Variants in CYB5R4 observed in about 807,000 individuals in gnomAD.
CYB5R4 encodes the protein N-terminal cytochrome b5 and cytochrome b5 oxidoreductase domain-containing protein.
Under a neutral mutation model 70.2 loss-of-function variants are expected in CYB5R4, and 55 were observed. The observed-to-expected ratio is 0.78, with a 90% CI of 0.63 to 0.98. CYB5R4 has a LOEUF of 0.98. CYB5R4 is among the 50% of genes least tolerant of loss of function. The pLI is 0.00. For synonymous variants in CYB5R4, 197 were observed against 199.5 expected, an observed-to-expected ratio of 0.99 and a Z score of 0.11; for missense variants, 562 against 612.6, an observed-to-expected ratio of 0.92 and a Z score of 0.87.
chr6:83,905,316 C>CA (rs1465569017), intron 3 of CYB5R4, among the ~76,000 whole-genome samples: 8 of 152,226 alleles, frequency 5.3e-5, no homozygotes, highest in African/African-American at 1.9e-4. Flanking sequence ...CTCGGCCTCC[C>CA]AAAGTGCGGA....
At chr6:83,882,255 G>C (rs915647172) in intron 2 of CYB5R4, among the ~76,000 whole-genome samples, 3 of 152,156 alleles carry the variant, frequency 2.0e-5, no homozygotes, top group Non-Finnish European at 4.4e-5. Flanking sequence ...GAGACTCAAA[G>C]TCTTACTGGC....
chr6:83,875,755 T>C (rs2099458430), intron 2 of CYB5R4, among the ~76,000 whole-genome samples: 1 of 152,214 alleles, frequency 6.6e-6, no homozygotes, highest in Non-Finnish European at 1.5e-5. Flanking sequence ...ATTAATTTTC[T>C]TAATTACTAC....
chr6:83,958,162 TAAA>T (rs2099472719), intron 15 of CYB5R4, among the ~76,000 whole-genome samples: 1 of 152,188 alleles, frequency 6.6e-6, no homozygotes, highest in Non-Finnish European at 1.5e-5. Context: ...ACCTATTTTT[TAAA>T]AAATACAGAT....
Position 83,966,851 on chromosome 6 carries a change from A to G in CYB5R4, c.*6973A>G, listed in dbSNP as rs2099474163. 6.6e-6 allele frequency: 1 copy of G among 152,232 alleles called. No individual in the cohort carries two copies. The highest frequency in any genetic ancestry group is 2.1e-4 in the South Asian group (1 of 4,834). 9.4% of individuals were successfully genotyped at this position (152,232 alleles called of 1,614,324 possible). On this transcript the variant is annotated 3_prime_UTR_variant, in exon 16 of 16. Coordinates refer to ENST00000369681, the MANE Select transcript of CYB5R4 (RefSeq NM_016230.4). Reference sequence around the variant, plus strand: ...AATGAAAAATCATCCTGAAATTAACAAGAAAAATTGAAATTAATGTTGAAA... The same window carrying G: ...AATGAAAAATCATCCTGAAATTAACGAGAAAAATTGAAATTAATGTTGAAA...
At chr6:83,947,009 C>G (rs1473028438) in intron 14 of CYB5R4, among the ~76,000 whole-genome samples, 2 of 152,026 alleles carry the variant, frequency 1.3e-5, no homozygotes, top group African/African-American at 2.4e-5. Context: ...TAATGCCATC[C>G]CCATCAAGCT....
intron 3 of CYB5R4, among the ~76,000 whole-genome samples, chr6:83,905,786 G>A (rs2099463668): frequency 1.3e-5 from 2 of 152,094 alleles, no homozygotes; most frequent in Non-Finnish European, 2.9e-5. Flanking sequence ...GGTGGTGACG[G>A]TGGCAGTCGC....
intron 15 of CYB5R4, among the ~76,000 whole-genome samples, chr6:83,956,732 C>T (rs1188716431): frequency 2.0e-5 from 3 of 152,188 alleles, no homozygotes; most frequent in East Asian, 3.9e-4. Context: ...GGCAAAGAAA[C>T]ATGTTTTGGG....
intron 14 of CYB5R4, among the ~76,000 whole-genome samples, chr6:83,954,261 C>T (rs905483434): frequency 6.6e-6 from 1 of 152,128 alleles, no homozygotes; most frequent in Non-Finnish European, 1.5e-5. Flanking sequence ...AGTTTAAGCT[C>T]TTTTCTCAGC....
At chr6:83,867,100 T>G (rs2099456847) in intron 2 of CYB5R4, among the ~76,000 whole-genome samples, 1 of 152,206 alleles carries the variant, frequency 6.6e-6, no homozygotes, top group East Asian at 1.9e-4. Flanking sequence ...AAATTATTGT[T>G]AGCAGGCAGA....
At chr6:83,893,100 G>A (rs1399286339) in intron 2 of CYB5R4, among the ~76,000 whole-genome samples, 1 of 152,102 alleles carries the variant, frequency 6.6e-6, no homozygotes, top group African/African-American at 2.4e-5. Flanking sequence ...GCAAGGGCAG[G>A]CATGCTTATA....
chr6:83,888,808 AGCTAT>A (rs1364818171), intron 2 of CYB5R4, among the ~76,000 whole-genome samples: 1 of 152,250 alleles, frequency 6.6e-6, no homozygotes, highest in Non-Finnish European at 1.5e-5. Context: ...AAATGCTGAA[AGCTAT>A]GCCACTAGTG....
chr6:83,885,039 CT>C (rs2099460038), intron 2 of CYB5R4, among the ~76,000 whole-genome samples: 1 of 151,956 alleles, frequency 6.6e-6, no homozygotes, highest in Non-Finnish European at 1.5e-5. Flanking sequence ...TAGGACATAT[CT>C]ATTGATATTT....
rs774662952 is a variant in CYB5R4 at position 83,921,156 on chromosome 6, T to C, written c.639T>C (p.Cys213=). 1 of 1,516,996 alleles carries C rather than the reference T, an allele frequency of 6.6e-7. No individual in the cohort carries two copies. The highest frequency in any genetic ancestry group is 1.4e-5 in the African/African-American group (1 of 71,632). 94.0% of individuals were successfully genotyped at this position (1,516,996 alleles called of 1,614,324 possible). ...GAGCAGAAACAATTATTAAGGATTG[T>C]TTATATCTTATACATATTGGTGAGT... ...SFRAETIIKD[C]LYLIHIGLSH... Residue 213 remains cysteine, a synonymous_variant, in exon 8 of 16, where the codon TGT becomes TGC. Transcript: ENST00000369681.
At chr6:83,897,157 G>A (rs866723874) in intron 3 of CYB5R4, among the ~76,000 whole-genome samples, 49 of 151,722 alleles carry the variant, frequency 3.2e-4, no homozygotes, top group Middle Eastern at 3.4e-3. Flanking sequence ...GAGAACATGC[G>A]GTGTTTGGTT....
intron 2 of CYB5R4, among the ~76,000 whole-genome samples, chr6:83,892,868 G>A (rs944628324): frequency 1.3e-5 from 2 of 151,952 alleles, no homozygotes; most frequent in Non-Finnish European, 2.9e-5. Flanking sequence ...CTCTGTGTGC[G>A]TGTGTGTACT....
intron 10 of CYB5R4, among the ~76,000 whole-genome samples, chr6:83,925,933 A>G (rs943234370): frequency 5.3e-5 from 8 of 152,144 alleles, no homozygotes; most frequent in Admixed American, 3.3e-4. Flanking sequence ...TTTAACTTCT[A>G]TAAATCCTTT....
At chr6:83,948,050 A>G (rs1056948644) in intron 14 of CYB5R4, among the ~76,000 whole-genome samples, 2 of 152,192 alleles carry the variant, frequency 1.3e-5, no homozygotes. Flanking sequence ...AAATCATTCT[A>G]CTGTAAAGAT....
intron 4 of CYB5R4, among the ~76,000 whole-genome samples, chr6:83,910,763 T>G (rs915099149): frequency 6.6e-6 from 1 of 152,098 alleles, no homozygotes; most frequent in African/African-American, 2.4e-5. Context: ...ATTAAAAAAA[T>G]GACAAGTGAA....
Position 83,939,209 on chromosome 6 carries a change from T to C in CYB5R4, c.1109-847T>C, listed in dbSNP as rs16874124. ...CTGCAATGGAAAACAGGAAAAATTA[T>C]GAGCATCCAAGCATTTTAAAATAGA... is the stretch of plus-strand genomic sequence containing the variant. On this transcript the variant is annotated intron_variant, in intron 12 of 15. Coordinates refer to ENST00000369681, the MANE Select transcript of CYB5R4 (RefSeq NM_016230.4). 7.9e-3 allele frequency among the ~76,000 whole-genome samples: 1,205 copies of C among 152,338 alleles called. 18 individuals are homozygous for C. Among genetic ancestry groups the C allele is most frequent in the African/African-American group, 0.027 (1,135 of 41,576 alleles).
Sources: gnomAD v4.1 joint callset for allele counts (sites outside exome capture counted in the v4.1 genomes callset) on GRCh38, gnomAD v4.1.1 for gene constraint, MANE v1.5 for transcripts, NCBI Gene and HGNC (gene_info 2026-07-23, HGNC 2026-07-21) for gene names.